The following PCDHGA2 variants were observed in gnomAD, a reference collection of about 807,000 sequenced individuals.
PCDHGA2 encodes protocadherin gamma subfamily A, 2.
PCDHGA2 carries 40 observed loss-of-function variants against 59.2 expected under a neutral mutation model. That is an observed-to-expected ratio of 0.68 (90% CI 0.52 to 0.88). The LOEUF (loss-of-function observed/expected upper bound fraction) is 0.88. Ranked by LOEUF, PCDHGA2 falls within the 40% of genes least tolerant of loss-of-function variation. The probability of loss-of-function intolerance (pLI) is 0.00; values close to 1 mark genes in which losing one functional copy is unlikely to be tolerated. For synonymous variants in PCDHGA2, 560 were observed against 526.0 expected (o/e 1.06, Z -0.89); for missense variants, 1,226 against 1,204.0 (o/e 1.02, Z -0.27).
intron 1 of PCDHGA2, among the ~76,000 whole-genome samples, chr5:141,437,913 T>G (rs1232481433): frequency 6.6e-6 from 1 of 152,138 alleles, no homozygotes; most frequent in East Asian, 1.9e-4. Context: ...AATTTTTGTA[T>G]TTTTAGTAGA....
Position 141,489,772 on chromosome 5 carries a change from T to C in PCDHGA2, c.2425-5035T>C, listed in dbSNP as rs1327700197. 6.2e-7 allele frequency: 1 copy of C among 1,614,154 alleles called. No individual in the cohort carries two copies. The highest frequency in any genetic ancestry group is 8.5e-7 in the Non-Finnish European group (1 of 1,179,994). ...TTACACTCTAAGCCCCAACAGCCAC[T>C]TCTCTCTGAATGTGAAGACCCTAAA... On this transcript the variant is annotated intron_variant, in intron 1 of 3. Coordinates refer to ENST00000394576, the MANE Select transcript of PCDHGA2 (RefSeq NM_018915.4). This position sits in a 1 kb window ranked among gnomAD's most constrained non-coding sequence, Gnocchi z 4.5.
rs768574993 is a variant in PCDHGA2 at position 141,340,861 on chromosome 5, A to C, written c.1890A>C (p.Arg630=). The change falls in exon 1 of 4, where the codon CGA becomes CGC. Residue 630 remains arginine, a synonymous_variant. Coordinates refer to ENST00000394576, the MANE Select transcript of PCDHGA2 (RefSeq NM_018915.4). ...GLHTGEVRTA[R]ALLDRDALKQ... is the part of the protein sequence containing the mutation. ...ACACGGGCGAGGTGCGCACGGCGCGAGCCCTGCTGGACAGAGACGCGCTCA... is the reference window on the plus strand; with the variant it reads ...ACACGGGCGAGGTGCGCACGGCGCGCGCCCTGCTGGACAGAGACGCGCTCA... The C allele has an allele frequency of 5.6e-6, 9 of 1,613,424 alleles. No homozygotes were observed. The highest frequency in any genetic ancestry group is 5.9e-6 in the Non-Finnish European group (7 of 1,179,898).
intron 1 of PCDHGA2, chr5:141,346,361 G>C: frequency 1.9e-6 from 3 of 1,614,220 alleles, no homozygotes; most frequent in Non-Finnish European, 2.5e-6. Context: ...CCAACTATGC[G>C]GACACGCTCA....
chr5:141,389,845 C>T, intron 1 of PCDHGA2: 1 of 1,614,054 alleles, frequency 6.2e-7, no homozygotes. Context: ...CCACTCTCGG[C>T]CACTGCCACG....
chr5:141,357,403 G>A (rs1760584146), intron 1 of PCDHGA2: 2 of 1,614,252 alleles, frequency 1.2e-6, no homozygotes, highest in Non-Finnish European at 1.7e-6. Context: ...GTTGGCAGGT[G>A]TGCCTGCCTC....
chr5:141,360,481 A>G, intron 1 of PCDHGA2: 1 of 1,613,874 alleles, frequency 6.2e-7, no homozygotes. Flanking sequence ...TCCACTAAAT[A>G]TTTTCTACAT....
intron 1 of PCDHGA2, among the ~76,000 whole-genome samples, chr5:141,472,980 C>CAAAAAAAAAAAAAAAA (rs60579131): frequency 2.8e-4 from 24 of 86,024 alleles, no homozygotes; most frequent in East Asian, 1.2e-3. Context: ...GAGTGAAACT[C>CAAAAAAAAAAAAAAAA]AAAAAAAAAA....
intron 1 of PCDHGA2, chr5:141,350,276 G>A: frequency 6.6e-7 from 1 of 1,512,286 alleles, no homozygotes. Flanking sequence ...GAGAGCCAGA[G>A]AAGCCGAAAT....
intron 1 of PCDHGA2, chr5:141,389,237 A>G (rs758770216): frequency 3.1e-6 from 5 of 1,612,662 alleles, no homozygotes; most frequent in Non-Finnish European, 4.2e-6. Flanking sequence ...CGGTTTTCTC[A>G]CAGTCTTCCT....
At chr5:141,398,667 A>G (rs750777887) in intron 1 of PCDHGA2, 1 of 1,614,006 alleles carries the variant, frequency 6.2e-7, no homozygotes, top group Admixed American at 1.7e-5. Flanking sequence ...GTTTCTCATT[A>G]ATAATTAAGG....
chr5:141,427,530 T>C (rs1302316196), intron 1 of PCDHGA2: 3 of 619,732 alleles, frequency 4.8e-6, no homozygotes, highest in Non-Finnish European at 9.0e-6. Context: ...GATCCCGGAG[T>C]ACAACGTCAC....
chr5:141,403,210 C>G (rs369033480), intron 1 of PCDHGA2: 1 of 1,613,946 alleles, frequency 6.2e-7, no homozygotes, highest in Admixed American at 1.7e-5. Flanking sequence ...CCTTGGTCAC[C>G]GCGGGTAGGA....
At chr5:141,433,181 G>T (rs199507607) in intron 1 of PCDHGA2, 45 of 1,607,620 alleles carry the variant, frequency 2.8e-5, no homozygotes, top group Non-Finnish European at 3.4e-5. Context: ...TGGGTTAATT[G>T]AGGTGAGTTT....
At position 141,431,763 on chromosome 5, in the gene PCDHGA2, T is replaced by C; in HGVS notation, c.2425-63044T>C. On this transcript the variant is annotated intron_variant, in intron 1 of 3. Transcript: ENST00000394576. The surrounding 1 kb of genome is among the most constrained non-coding windows in gnomAD (Gnocchi z 4.8). ...TATTCTGCGCGAGCCAAAGTCCTGA[T>C]CACTGTTCTGGACGTGAACGACAAT... 1 of 1,614,230 alleles carries C rather than the reference T, an allele frequency of 6.2e-7. No individual in the cohort carries two copies. Among genetic ancestry groups the C allele is most frequent in the Non-Finnish European group, 8.5e-7 (1 of 1,180,030 alleles).
Position 141,491,663 on chromosome 5 carries a change from T to G in PCDHGA2, c.2425-3144T>G, listed in dbSNP as rs895604632. ...GCTCTGGCGCTGGAGCCTGACGCCA[T>G]CCGGTCCCGCTCTAATACGCTGCGG... On this transcript the variant is annotated intron_variant, in intron 1 of 3. Coordinates refer to ENST00000394576, the MANE Select transcript of PCDHGA2 (RefSeq NM_018915.4). The surrounding 1 kb of genome is among the most constrained non-coding windows in gnomAD (Gnocchi z 6.9). The G allele has an allele frequency of 3.1e-6, 5 of 1,613,650 alleles. No homozygotes were observed. Among genetic ancestry groups the G allele is most frequent in the Non-Finnish European group, 4.2e-6 (5 of 1,180,014 alleles).
intron 1 of PCDHGA2, among the ~76,000 whole-genome samples, chr5:141,358,057 G>A (rs2149799917): frequency 6.6e-6 from 1 of 152,298 alleles, no homozygotes; most frequent in East Asian, 1.9e-4. Flanking sequence ...AGGCGTGGTG[G>A]TGTGTGCCCG....
rs1356739313 is a variant in PCDHGA2, at chr5:141,490,444, A to T, written c.2425-4363A>T. The T allele has an allele frequency of 6.2e-7, 1 of 1,614,194 alleles. No individual in the cohort carries two copies. Among genetic ancestry groups the T allele is most frequent in the Non-Finnish European group, 8.5e-7 (1 of 1,180,034 alleles). On this transcript the variant is annotated intron_variant, in intron 1 of 3. Transcript: ENST00000394576. The surrounding 1 kb of genome is among the most constrained non-coding windows in gnomAD (Gnocchi z 5.4). ...GCCATTTCAGATTAAGCCTTCTGAG[A>T]ACCACTACTCGCTGCTAACCAGCCA...
intron 1 of PCDHGA2, chr5:141,355,815 G>A (rs377468694): frequency 5.0e-6 from 8 of 1,613,094 alleles, no homozygotes; most frequent in South Asian, 2.2e-5. Context: ...GCGAGGAAGA[G>A]GCGGTTCACC....
Position 141,375,092 on chromosome 5 carries a change from A to G in PCDHGA2, c.2424+33697A>G, listed in dbSNP as rs775722663. On this transcript the variant is annotated intron_variant, in intron 1 of 3. Coordinates refer to ENST00000394576, the MANE Select transcript of PCDHGA2 (RefSeq NM_018915.4). ...AGACAGAGCGAAAGTCTTAATAACT[A>G]TCTTGGATGTCAATGATAATGTACC... 20 of 1,613,866 alleles carry G rather than the reference A, an allele frequency of 1.2e-5. No individual in the cohort carries two copies. In the Middle Eastern group the frequency reaches 6.6e-4, roughly 53 times the overall value.
Sources: allele counts gnomAD v4.1 joint callset (sites outside exome capture counted in the v4.1 genomes callset), GRCh38; gene constraint gnomAD v4.1.1; non-coding constraint Gnocchi (gnomAD v3.1); transcripts MANE v1.5; gene names NCBI Gene and HGNC (gene_info 2026-07-23, HGNC 2026-07-21).